The following PHF10 variants were observed in gnomAD, a reference collection of about 807,000 sequenced individuals.
The protein encoded by PHF10 is BRG1-associated factor 45a.
Under a neutral mutation model 68.5 loss-of-function variants are expected in PHF10, and 51 were observed. That is an observed-to-expected ratio of 0.74 (90% CI 0.59 to 0.94). The LOEUF (loss-of-function observed/expected upper bound fraction) is 0.94, where lower values mean the gene tolerates loss of function less well. PHF10 is among the 40% of genes least tolerant of loss of function. The pLI is 0.00. For missense variants in PHF10, 460 were observed against 602.6 expected, an observed-to-expected ratio of 0.76 and a Z score of 2.48; for synonymous variants, 204 against 203.5, an observed-to-expected ratio of 1.00 and a Z score of -0.02.
At chr6:169,704,269 A>G (rs1788691924) in intron 11 of PHF10, 181 bp from the exon 12 acceptor site, 2 of 525,274 alleles carry the variant, frequency 3.8e-6, no homozygotes, top group Non-Finnish European at 6.7e-6. Context: ...AATGTAATCA[A>G]TGCCATGCAA....
chr6:169,724,394 C>CCGCT lies in PHF10; in HGVS notation c.-467_-464dup, dbSNP rs1470241957. On this transcript the variant is annotated 5_prime_UTR_variant, in exon 1 of 12. Transcript: ENST00000339209. ...CAGCCCCGCGGCCGCCTCAGCCCCGCCGCTCGCCTCAGCCCCGCCGCTCGC... is the reference window on the plus strand; with the variant it reads ...CAGCCCCGCGGCCGCCTCAGCCCCGCCGCTCGCTCGCCTCAGCCCCGCCGCTCGC... Among the ~76,000 whole-genome samples, 2 of 139,054 alleles carry CCGCT rather than the reference C, an allele frequency of 1.4e-5. No homozygotes were observed. The highest frequency in any genetic ancestry group is 1.4e-4 in the Admixed American group (2 of 14,044). The allele number at this position is 139,054 out of a possible 152,430, so 91.2% of individuals were successfully genotyped here. A position where few individuals can be genotyped will look rare whatever the true frequency, so the allele number is the denominator to read the frequency against.
chr6:169,717,770 A>T (rs1345459459), intron 4 of PHF10, 53 bp downstream of exon 4: 1 of 747,624 alleles, frequency 1.3e-6, no homozygotes, highest in Non-Finnish European at 2.4e-6. Context: ...CTTATCTAGT[A>T]TTATCTCATA....
rs1453760270 is a variant in PHF10, at chr6:169,705,219, G to A, written c.1325C>T (p.Pro442Leu). ...ECKTCIICGQ[P>L]HHEEEMMFCD... Reference sequence around the variant, plus strand: ...GAACATCATTTCTTCTTCATGGTGGGGTTGTCCACATATAATGCATGTTTT... The same window carrying A: ...GAACATCATTTCTTCTTCATGGTGGAGTTGTCCACATATAATGCATGTTTT... Residue 442 changes from proline to leucine, a missense_variant, in exon 11 of 12, where the codon CCC (proline) becomes CTC (leucine). Physicochemically the swap from Pro to Leu is moderately conservative, Grantham distance 98 (BLOSUM62 -3). This residue lies in a region of PHF10 where 111 missense variants were observed against 109.7 expected (regional missense o/e 1.01). Coordinates refer to ENST00000339209, the MANE Select transcript of PHF10 (RefSeq NM_018288.4). 2.5e-6 allele frequency: 4 copies of A among 1,613,458 alleles called. No homozygotes were observed. The highest frequency in any genetic ancestry group is 1.3e-5 in the African/African-American group (1 of 74,848).
chr6:169,719,856 G>A (rs914252446), intron 2 of PHF10, among the ~76,000 whole-genome samples: 1 of 151,954 alleles, frequency 6.6e-6, no homozygotes, highest in African/African-American at 2.4e-5. Flanking sequence ...TAAAAATTTT[G>A]TACAGGGACA....
chr6:169,705,044 C>T, intron 11 of PHF10, 89 bp downstream of exon 11: 1 of 942,360 alleles, frequency 1.1e-6, no homozygotes, highest in Non-Finnish European at 1.6e-6. Flanking sequence ...ACAAGCTCTT[C>T]ATGTCATGAT....
chr6:169,717,957 T>G (rs777841467), intron 3 of PHF10, 51 bp from the exon 4 acceptor site: 3 of 797,444 alleles, frequency 3.8e-6, no homozygotes, highest in Non-Finnish European at 4.1e-6. Flanking sequence ...CCTTATGCAC[T>G]TGTAAAACTT....
At chr6:169,717,938 A>C (rs758410023) in intron 3 of PHF10, 32 bp from the exon 4 acceptor site, 4 of 1,097,724 alleles carry the variant, frequency 3.6e-6, no homozygotes, top group Non-Finnish European at 2.7e-6. Flanking sequence ...ACTATTAAAA[A>C]CAGCAAAACC....
chr6:169,718,453 T>C (rs1789102129), intron 3 of PHF10, among the ~76,000 whole-genome samples: 1 of 152,064 alleles, frequency 6.6e-6, no homozygotes, highest in Admixed American at 6.5e-5. Context: ...CTTGAAGCCA[T>C]GAGTTTGAGA....
At position 169,712,244 on chromosome 6, in the gene PHF10, T is replaced by C. The variant is rs1373861992; in HGVS notation, c.957+142A>G. The C allele has an allele frequency of 6.5e-6, 5 of 772,710 alleles. No individual in the cohort carries two copies. In the African/African-American group the frequency reaches 8.9e-5, roughly 14 times the overall value. 47.9% of individuals were successfully genotyped at this position (772,710 alleles called of 1,614,324 possible). ...ACTGCTTGTTTTTATCAAAACATAC[T>C]ATAAGTAACTTTTATTGATGAATAC... is the stretch of plus-strand genomic sequence containing the variant. On this transcript the variant is annotated intron_variant, in intron 8 of 11. Coordinates refer to ENST00000339209, the MANE Select transcript of PHF10 (RefSeq NM_018288.4).
intron 1 of PHF10, among the ~76,000 whole-genome samples, chr6:169,722,617 G>A (rs1054938754): frequency 6.6e-6 from 1 of 152,210 alleles, no homozygotes; most frequent in East Asian, 1.9e-4. Context: ...GTGAGCATCT[G>A]GGCAGCGGGC....
intron 7 of PHF10, 92 bp from the exon 8 acceptor site, chr6:169,712,631 G>A: frequency 9.4e-7 from 1 of 1,060,804 alleles, no homozygotes; most frequent in Non-Finnish European, 1.4e-6. Context: ...TAAACTTCTT[G>A]AGTAACCCCG....
At chr6:169,717,617 A>AT (rs1789080912) in intron 4 of PHF10, 1 of 469,542 alleles carries the variant, frequency 2.1e-6, no homozygotes, top group Non-Finnish European at 3.8e-6. Context: ...AAGCTGAACC[A>AT]TCATAAGTCA....
At chr6:169,708,110 T>A (rs911588783) in intron 9 of PHF10, 1 of 152,270 alleles carries the variant, frequency 6.6e-6, no homozygotes, top group African/African-American at 2.4e-5. Flanking sequence ...TGCAACATCA[T>A]CAGAGTATCA....
intron 9 of PHF10, chr6:169,707,331 A>C (rs1221424105): frequency 1.3e-5 from 2 of 152,186 alleles, no homozygotes; most frequent in African/African-American, 4.8e-5. Context: ...CCTATACCTA[A>C]ATAAAAAACA....
At chr6:169,714,341 C>T (rs1788995194) in intron 7 of PHF10, among the ~76,000 whole-genome samples, 1 of 152,216 alleles carries the variant, frequency 6.6e-6, no homozygotes, top group African/African-American at 2.4e-5. Context: ...ACATGAATCA[C>T]ACAGACATCT....
In PHF10 at chr6:169,712,369, G is replaced by C. The variant is rs765350578; in HGVS notation, c.957+17C>G. On this transcript the variant is annotated intron_variant, in intron 8 of 11. Transcript: ENST00000339209. Reference sequence around the variant, plus strand: ...AAGAGAAAGGAAATGCTTCCTACTAGAGAGAAATGTTCTCACCGAAGTGCC... The same window carrying C: ...AAGAGAAAGGAAATGCTTCCTACTACAGAGAAATGTTCTCACCGAAGTGCC... 1.2e-6 allele frequency: 2 copies of C among 1,608,422 alleles called. No individual in the cohort carries two copies. Among genetic ancestry groups the C allele is most frequent in the Admixed American group, 1.7e-5 (1 of 59,856 alleles).
intron 1 of PHF10, among the ~76,000 whole-genome samples, chr6:169,721,899 C>T (rs1463288583): frequency 2.0e-5 from 3 of 152,172 alleles, no homozygotes; most frequent in Non-Finnish European, 4.4e-5. Flanking sequence ...CCTCTTGCTA[C>T]ATATTAAAAT....
Position 169,723,825 on chromosome 6 carries a change from C to G in PHF10, c.87+20G>C. On this transcript the variant is annotated intron_variant, in intron 1 of 11. Coordinates refer to ENST00000339209, the MANE Select transcript of PHF10 (RefSeq NM_018288.4). The stretch of plus-strand genomic sequence containing the variant: ...GCCCGGGACGGGGTCAGGGTCGGGT[C>G]GCACCGGCCGCTTCCTCACCTTCGG... 1 of 933,662 alleles carries G rather than the reference C, an allele frequency of 1.1e-6. No homozygotes were observed. The highest frequency in any genetic ancestry group is 1.3e-6 in the Non-Finnish European group (1 of 744,796). The allele number at this position is 933,662 out of a possible 1,614,324, so 57.8% of individuals were successfully genotyped here.
At chr6:169,722,422 G>T (rs1318778991) in intron 1 of PHF10, among the ~76,000 whole-genome samples, 1 of 152,034 alleles carries the variant, frequency 6.6e-6, no homozygotes. Flanking sequence ...TTACTGGTGA[G>T]CATTTTAAGG....
Sources: allele counts gnomAD v4.1 joint callset (sites outside exome capture counted in the v4.1 genomes callset), GRCh38; gene constraint gnomAD v4.1.1; regional missense constraint gnomAD v4.1.1; transcripts MANE v1.5; gene names NCBI Gene and HGNC (gene_info 2026-07-23, HGNC 2026-07-21).